UBE2H: variants seen among roughly 807,000 people sequenced by gnomAD.
UBE2H encodes the protein ubiquitin conjugating enzyme E2 H.
Under a neutral mutation model 29.0 loss-of-function variants are expected in UBE2H, and 3 were observed. The observed-to-expected ratio is 0.10, with a 90% CI of 0.05 to 0.27. The LOEUF is 0.27. Among genes scored for constraint, UBE2H ranks in the 10% least tolerant of loss-of-function variants. The pLI, the probability that UBE2H is intolerant of heterozygous loss-of-function variation, is 1.00. For missense variants in UBE2H, 68 were observed against 228.2 expected (o/e 0.30, Z 4.52); for synonymous variants, 69 against 82.9 (o/e 0.83, Z 0.91).
intron 1 of UBE2H, among the ~76,000 whole-genome samples, chr7:129,936,376 C>T (rs1234196018): frequency 6.6e-6 from 1 of 151,866 alleles, no homozygotes; most frequent in Admixed American, 6.6e-5. Flanking sequence ...GGGCAGATCA[C>T]GAGGTCAGGA....
chr7:129,931,891 A>C (rs2116495629), intron 1 of UBE2H, among the ~76,000 whole-genome samples: 1 of 143,582 alleles, frequency 7.0e-6, no homozygotes, highest in African/African-American at 2.6e-5. Flanking sequence ...GCTGGAGTGC[A>C]GTGGCACAAT....
intron 1 of UBE2H, among the ~76,000 whole-genome samples, chr7:129,929,965 G>A (rs1357947145): frequency 1.3e-5 from 2 of 152,062 alleles, no homozygotes; most frequent in Non-Finnish European, 2.9e-5. Flanking sequence ...AGCCAAGATC[G>A]CACTGCTGCA....
chr7:129,874,008 G>C (rs933095153), intron 3 of UBE2H, among the ~76,000 whole-genome samples: 1 of 152,090 alleles, frequency 6.6e-6, no homozygotes, highest in Non-Finnish European at 1.5e-5. Context: ...TTATAACACA[G>C]TTTTCTAATT....
intron 5 of UBE2H, among the ~76,000 whole-genome samples, chr7:129,843,116 A>G (rs1805456078): frequency 6.8e-6 from 1 of 146,838 alleles, no homozygotes; most frequent in Non-Finnish European, 1.5e-5. Context: ...CTCCTGCCTC[A>G]GTCTCCCCAG....
chr7:129,836,360 G>C (rs1270899831), intron 6 of UBE2H, among the ~76,000 whole-genome samples: 1 of 152,138 alleles, frequency 6.6e-6, no homozygotes, highest in East Asian at 1.9e-4. Context: ...GCCTTTGAGA[G>C]AGAGAAAGGA....
chr7:129,880,730 G>C, intron 2 of UBE2H, 165 bp downstream of exon 2: 1 of 619,012 alleles, frequency 1.6e-6, no homozygotes, highest in Non-Finnish European at 2.8e-6. Context: ...AGGGATGACT[G>C]TATATAAAGT....
intron 3 of UBE2H, among the ~76,000 whole-genome samples, chr7:129,870,974 T>A (rs2116347358): frequency 6.6e-6 from 1 of 152,290 alleles, no homozygotes; most frequent in Middle Eastern, 3.4e-3. Flanking sequence ...CTGGTTTTTG[T>A]TTTGTTTTGT....
At chr7:129,864,314 T>C (rs1805855921) in intron 3 of UBE2H, among the ~76,000 whole-genome samples, 3 of 152,272 alleles carry the variant, frequency 2.0e-5, no homozygotes, top group Non-Finnish European at 2.9e-5. Flanking sequence ...CTGTGTTGAG[T>C]TGGCCCTGGC....
At chr7:129,911,516 T>C (rs1806936996) in intron 1 of UBE2H, among the ~76,000 whole-genome samples, 1 of 152,168 alleles carries the variant, frequency 6.6e-6, no homozygotes, top group Non-Finnish European at 1.5e-5. Context: ...GACATCAGTA[T>C]TGGACATGCA....
intron 1 of UBE2H, among the ~76,000 whole-genome samples, chr7:129,941,884 G>A (rs1807652592): frequency 6.6e-6 from 1 of 151,688 alleles, no homozygotes; most frequent in African/African-American, 2.4e-5. Context: ...CTCTTAAGAT[G>A]CCAAAAAAAA....
chr7:129,920,667 T>C (rs1019091806), intron 1 of UBE2H, among the ~76,000 whole-genome samples: 15 of 151,956 alleles, frequency 9.9e-5, no homozygotes, highest in South Asian at 6.2e-4. Context: ...AGGAAAGACA[T>C]CACAGGAGGC....
intron 1 of UBE2H, among the ~76,000 whole-genome samples, chr7:129,932,571 G>A (rs572603668): frequency 6.6e-6 from 1 of 150,860 alleles, no homozygotes; most frequent in Non-Finnish European, 1.5e-5. Context: ...AGAGGAGATC[G>A]AGACCACGCT....
chr7:129,924,154 T>C (rs971305069), intron 1 of UBE2H, among the ~76,000 whole-genome samples: 2 of 152,206 alleles, frequency 1.3e-5, no homozygotes, highest in African/African-American at 4.8e-5. Context: ...ATAGGATCAC[T>C]TGAGCCTGGG....
intron 1 of UBE2H, among the ~76,000 whole-genome samples, chr7:129,895,532 C>T (rs1166741756): frequency 6.6e-6 from 1 of 152,010 alleles, no homozygotes; most frequent in Non-Finnish European, 1.5e-5. Context: ...ATCAGGTGGC[C>T]CTCTGCAAAA....
chr7:129,868,933 CTCTT>C (rs1445936101), intron 3 of UBE2H, among the ~76,000 whole-genome samples: 216 of 96,982 alleles, frequency 2.2e-3, no homozygotes, highest in Non-Finnish European at 3.9e-3. Flanking sequence ...CTCTCTCTCT[CTCTT>C]TTTTTTTTTT....
At chr7:129,924,580 A>G (rs1257806973) in intron 1 of UBE2H, among the ~76,000 whole-genome samples, 1 of 151,450 alleles carries the variant, frequency 6.6e-6, no homozygotes, top group African/African-American at 2.4e-5. Context: ...AGAAGGCAAT[A>G]CCAGGTATAC....
At chr7:129,891,061 G>C (rs367858402) in intron 1 of UBE2H, among the ~76,000 whole-genome samples, 3 of 151,786 alleles carry the variant, frequency 2.0e-5, no homozygotes, top group Non-Finnish European at 4.4e-5. Context: ...GCTTGAACCC[G>C]GGAGGTGGAG....
intron 1 of UBE2H, among the ~76,000 whole-genome samples, chr7:129,890,372 C>CACGTATATATACAT (rs1563035970): frequency 4.0e-5 from 6 of 151,046 alleles, no homozygotes; most frequent in African/African-American, 1.2e-4. Context: ...TATATATACA[C>CACGTATATATACAT]ACACTTATAT....
At chr7:129,887,425 TTGG>T (rs2116389118) in intron 1 of UBE2H, among the ~76,000 whole-genome samples, 1 of 152,052 alleles carries the variant, frequency 6.6e-6, no homozygotes, top group African/African-American at 2.4e-5. Flanking sequence ...TTTCACCATG[TTGG>T]TCAAGCTGGT....
Sources: allele counts gnomAD v4.1 joint callset (sites outside exome capture counted in the v4.1 genomes callset), GRCh38; gene constraint gnomAD v4.1.1; transcripts MANE v1.5; gene names NCBI Gene and HGNC (gene_info 2026-07-23, HGNC 2026-07-21).